Variants in KATNIP observed in about 807,000 individuals in gnomAD.
KATNIP encodes the protein katanin interacting protein.
A neutral mutation model predicts 174.0 loss-of-function variants in KATNIP; 126 were observed. The observed-to-expected ratio is 0.72, with a 90% CI of 0.63 to 0.84. The LOEUF is 0.84. KATNIP is among the 40% of genes least tolerant of loss of function. KATNIP has a pLI of 0.00. For missense variants in KATNIP, 1,958 were observed against 2,109.7 expected (o/e 0.93, Z 1.41); for synonymous variants, 810 against 835.7 (o/e 0.97, Z 0.53).
intron 20 of KATNIP, among the ~76,000 whole-genome samples, chr16:27,768,100 A>C (rs890919048): frequency 2.0e-5 from 3 of 151,754 alleles, no homozygotes; most frequent in African/African-American, 7.3e-5. Flanking sequence ...GGTGGGGGGG[A>C]ATGGGCACGT....
At chr16:27,636,103 A>G (rs1307898085) in intron 5 of KATNIP, among the ~76,000 whole-genome samples, 1 of 152,144 alleles carries the variant, frequency 6.6e-6, no homozygotes, top group Non-Finnish European at 1.5e-5. Context: ...GCAGTGAGCC[A>G]TGACCGCACC....
intron 8 of KATNIP, among the ~76,000 whole-genome samples, chr16:27,692,785 A>G (rs1041091538): frequency 3.9e-5 from 6 of 152,184 alleles, no homozygotes; most frequent in Admixed American, 2.6e-4. Flanking sequence ...TACAAGGTCA[A>G]TGAGGGCAGA....
chr16:27,566,229 A>T (rs2090083537), intron 1 of KATNIP, among the ~76,000 whole-genome samples: 1 of 152,172 alleles, frequency 6.6e-6, no homozygotes, highest in African/African-American at 2.4e-5. Context: ...CACTATAGGT[A>T]GAAGCCAGAA....
In KATNIP at chr16:27,632,159, C is replaced by A. The variant is rs552907704; in HGVS notation, c.408+997C>A. On this transcript the variant is annotated intron_variant, in intron 5 of 27. Coordinates refer to ENST00000261588, the MANE Select transcript of KATNIP (RefSeq NM_015202.5). ...ATATTTTACCTCATAGTCACTCATA[C>A]CTTACCGGGGACCAGCAGGTCCCAG... is the stretch of plus-strand genomic sequence containing the variant. 3.3e-5 allele frequency among the ~76,000 whole-genome samples: 5 copies of A among 152,278 alleles called. No homozygotes were observed. In the South Asian group the frequency reaches 1.0e-3, roughly 32 times the overall value.
At chr16:27,604,274 ATT>A (rs1484337053) in intron 2 of KATNIP, among the ~76,000 whole-genome samples, 1 of 151,914 alleles carries the variant, frequency 6.6e-6, no homozygotes, top group Non-Finnish European at 1.5e-5. Flanking sequence ...ACTTTTAAAA[ATT>A]TTTAGTAGAG....
rs1042518821 is a variant in KATNIP, at chr16:27,766,092, CT to C, written c.3810-207del. Among the ~76,000 whole-genome samples the C allele has an allele frequency of 1.1e-3, 166 of 148,964 alleles. 2 individuals carry two copies. The highest frequency in any genetic ancestry group is 2.9e-3 in the Admixed American group (44 of 14,962). On this transcript the variant is annotated intron_variant, in intron 19 of 27. Transcript: ENST00000261588. ...TTTTCTGCACCTTTAACAGCATAGC[CT>C]TTTTTTTTTCTTTTAAAAAATGTCT... is the stretch of plus-strand genomic sequence containing the variant.
chr16:27,666,172 C>T (rs1363976816), intron 6 of KATNIP, among the ~76,000 whole-genome samples: 1 of 152,150 alleles, frequency 6.6e-6, no homozygotes, highest in Non-Finnish European at 1.5e-5. Context: ...TGTCTTCTAT[C>T]ACTCTCTTCC....
rs116933846 is a variant in KATNIP at position 27,776,895 on chromosome 16, A to G, written c.4450-33A>G. On this transcript the variant is annotated intron_variant, in intron 24 of 27. Transcript: ENST00000261588. The surrounding 1 kb of genome is among the most constrained non-coding windows in gnomAD (Gnocchi z 4.7). ...CAGCCAAGCGCCTCTGTTTCCAAAC[A>G]TGCCTGTTTTAATTAGTGCCGCTCT... 7 of 1,485,268 alleles carry G rather than the reference A, an allele frequency of 4.7e-6. No individual in the cohort carries two copies. The South Asian group carries it at 6.8e-5, about 14-fold the overall frequency. 92.0% of individuals were successfully genotyped at this position (1,485,268 alleles called of 1,614,324 possible). A position where few individuals can be genotyped will look rare whatever the true frequency, so the allele number is the denominator to read the frequency against.
intron 2 of KATNIP, among the ~76,000 whole-genome samples, chr16:27,578,141 A>G (rs762581875): frequency 1.9e-4 from 29 of 152,152 alleles, no homozygotes; most frequent in Non-Finnish European, 2.9e-4. Flanking sequence ...ATGCATGAGA[A>G]CCAGCTCTTT....
At chr16:27,634,444 G>T (rs555829502) in intron 5 of KATNIP, among the ~76,000 whole-genome samples, 14 of 152,342 alleles carry the variant, frequency 9.2e-5, no homozygotes, top group Middle Eastern at 3.4e-3. Context: ...TGGCCACTTA[G>T]CCTGGGCCTG....
chr16:27,613,624 CTT>C (rs1337789878), intron 2 of KATNIP, among the ~76,000 whole-genome samples: 5 of 152,138 alleles, frequency 3.3e-5, no homozygotes, highest in Admixed American at 2.0e-4. Context: ...GGAGGGTTTC[CTT>C]GTGTCTTAAA....
chr16:27,630,152 G>C (rs1046240963), intron 4 of KATNIP, among the ~76,000 whole-genome samples: 2 of 152,212 alleles, frequency 1.3e-5, no homozygotes, highest in Non-Finnish European at 2.9e-5. Flanking sequence ...GTTACAAGAA[G>C]ATCTGGAATG....
At chr16:27,624,245 AT>A (rs1241273346) in intron 3 of KATNIP, among the ~76,000 whole-genome samples, 1 of 152,032 alleles carries the variant, frequency 6.6e-6, no homozygotes, top group Admixed American at 6.5e-5. Flanking sequence ...CCTCCTTGCC[AT>A]CTAGGTCCCT....
At chr16:27,561,812 C>T (rs1264871588) in intron 1 of KATNIP, among the ~76,000 whole-genome samples, 1 of 152,166 alleles carries the variant, frequency 6.6e-6, no homozygotes, top group Non-Finnish European at 1.5e-5. Flanking sequence ...CAGATGTCGC[C>T]TAGGGTCTCA....
chr16:27,740,556 C>G lies in KATNIP; in HGVS notation c.2259C>G (p.Ser753=), dbSNP rs761674816. The change falls in exon 15 of 28, where the codon TCC becomes TCG. Residue 753 remains serine (S), a synonymous_variant. Coordinates refer to ENST00000261588, the MANE Select transcript of KATNIP (RefSeq NM_015202.5). ...KICEPPGKTP[S]WLQPSPTGKD... is the part of the protein sequence containing the mutation. ...GTGAGCCACCCGGGAAAACCCCATC[C>G]TGGTTACAACCTTCTCCCACCGGCA... 3 of 1,614,146 alleles carry G rather than the reference C, an allele frequency of 1.9e-6. No homozygotes were observed. The highest frequency in any genetic ancestry group is 2.5e-6 in the Non-Finnish European group (3 of 1,180,032).
At chr16:27,720,765 C>T (rs187860381) in intron 13 of KATNIP, among the ~76,000 whole-genome samples, 4 of 152,152 alleles carry the variant, frequency 2.6e-5, no homozygotes, top group African/African-American at 9.7e-5. Context: ...CCAGCCTGTG[C>T]CAAGGCACTG....
Position 27,681,474 on chromosome 16 carries a change from C to T in KATNIP, c.884C>T (p.Pro295Leu), listed in dbSNP as rs1378800683. Residue 295 changes from proline (P) to leucine (L), a missense_variant, in exon 8 of 28, where the codon CCA becomes CTA. Physicochemically the swap from Pro to Leu is moderately conservative, Grantham distance 98. Coordinates refer to ENST00000261588, the MANE Select transcript of KATNIP (RefSeq NM_015202.5). ...AEVFVPTKPE[P>L]NLTPQAPAVF... ...GTTTTCGTTCCCACCAAACCTGAGC[C>T]AAACCTGACTCCCCAAGCTCCTGCT... is the stretch of plus-strand genomic sequence containing the variant. 27 of 1,614,170 alleles carry T rather than the reference C, an allele frequency of 1.7e-5. No individual in the cohort carries two copies. The highest frequency in any genetic ancestry group is 2.3e-5 in the Non-Finnish European group (27 of 1,180,026).
In KATNIP at chr16:27,740,519, G is replaced by A. The variant is rs1167101263; in HGVS notation, c.2222G>A (p.Gly741Asp). Residue 741 changes from glycine to aspartate, a missense_variant, in exon 15 of 28, where the codon GGC becomes GAC. Gly to Asp is a moderately conservative substitution (Grantham distance 94). Coordinates refer to ENST00000261588, the MANE Select transcript of KATNIP (RefSeq NM_015202.5). ...ATCCAACAACTGGAAAACCTCATGG[G>A]CAGAAAAATCTGTGAGCCACCCGGG... ...SLIQQLENLM[G>D]RKICEPPGKT... 8 of 1,614,088 alleles carry A rather than the reference G, an allele frequency of 5.0e-6. No individual in the cohort carries two copies. The Admixed American group carries it at 1.3e-4, about 27-fold the overall frequency.
intron 14 of KATNIP, among the ~76,000 whole-genome samples, chr16:27,738,675 C>A (rs1027244801): frequency 6.6e-6 from 1 of 152,190 alleles, no homozygotes; most frequent in African/African-American, 2.4e-5. Flanking sequence ...TGGTTCTGCA[C>A]CCCGTCGTGT....
Sources: allele counts gnomAD v4.1 joint callset (sites outside exome capture counted in the v4.1 genomes callset), GRCh38; gene constraint gnomAD v4.1.1; non-coding constraint Gnocchi (gnomAD v3.1); transcripts MANE v1.5; gene names NCBI Gene and HGNC (gene_info 2026-07-23, HGNC 2026-07-21).